NRG3: variants seen among roughly 807,000 people sequenced by gnomAD.
The protein encoded by NRG3 is pro-neuregulin-3, membrane-bound isoform.
In NRG3, 31 loss-of-function variants were observed where a neutral mutation model predicts 66.9. That is an observed-to-expected ratio of 0.46 (90% confidence interval 0.35 to 0.63). The LOEUF (loss-of-function observed/expected upper bound fraction) is 0.63. NRG3 is among the 20% of genes least tolerant of loss of function. NRG3 has a pLI of 0.00. For synonymous variants in NRG3, 393 were observed against 359.4 expected, an observed-to-expected ratio of 1.09 and a Z score of -1.06; for missense variants, 910 against 878.9, an observed-to-expected ratio of 1.04 and a Z score of -0.45.
intron 2 of NRG3, among the ~76,000 whole-genome samples, chr10:82,725,915 C>T (rs374299413): frequency 1.8e-4 from 28 of 152,218 alleles, no homozygotes; most frequent in Admixed American, 3.3e-4. Context: ...GCTATTCACA[C>T]GGTGAAGCCC....
intron 3 of NRG3, among the ~76,000 whole-genome samples, chr10:82,850,139 A>G (rs555653710): frequency 4.6e-5 from 7 of 152,274 alleles, no homozygotes; most frequent in African/African-American, 1.7e-4. Context: ...TTGACAGAGG[A>G]ATGGAGACAA....
intron 1 of NRG3, among the ~76,000 whole-genome samples, chr10:81,880,843 C>T (rs1318117665): frequency 6.6e-6 from 1 of 152,112 alleles, no homozygotes; most frequent in Non-Finnish European, 1.5e-5. Context: ...TATCTTTAGA[C>T]TCGTGTGTTG....
At chr10:82,231,265 C>T (rs769826104) in intron 1 of NRG3, among the ~76,000 whole-genome samples, 2 of 152,022 alleles carry the variant, frequency 1.3e-5, no homozygotes, top group Non-Finnish European at 2.9e-5. Context: ...ATCACTTGAA[C>T]CTAGGAAGGT....
At chr10:82,905,338 C>T (rs1844628666) in intron 4 of NRG3, among the ~76,000 whole-genome samples, 2 of 152,256 alleles carry the variant, frequency 1.3e-5, no homozygotes, top group Non-Finnish European at 2.9e-5. Flanking sequence ...TAGGCATTTT[C>T]TCCAAAGCCT....
At chr10:82,851,502 G>C (rs1186418719) in intron 3 of NRG3, among the ~76,000 whole-genome samples, 3 of 152,136 alleles carry the variant, frequency 2.0e-5, no homozygotes, top group Non-Finnish European at 4.4e-5. Flanking sequence ...AAAATCTTTA[G>C]TGTATTAATC....
At chr10:82,893,860 TA>T (rs1843404806) in intron 4 of NRG3, among the ~76,000 whole-genome samples, 1 of 151,730 alleles carries the variant, frequency 6.6e-6, no homozygotes, top group Non-Finnish European at 1.5e-5. Flanking sequence ...AAATGAATCA[TA>T]GTAAACCAAA....
At chr10:82,151,813 T>G (rs1324609443) in intron 1 of NRG3, among the ~76,000 whole-genome samples, 2 of 152,204 alleles carry the variant, frequency 1.3e-5, no homozygotes, top group African/African-American at 2.4e-5. Context: ...TGCTTCAGCA[T>G]AGGCTCTGCT....
At chr10:82,888,232 G>T (rs1178786066) in intron 4 of NRG3, among the ~76,000 whole-genome samples, 1 of 152,060 alleles carries the variant, frequency 6.6e-6, no homozygotes, top group East Asian at 1.9e-4. Flanking sequence ...TGTAAAGTGT[G>T]TTCCCTAGTG....
intron 1 of NRG3, among the ~76,000 whole-genome samples, chr10:81,925,754 A>G (rs952714986): frequency 4.6e-5 from 7 of 152,016 alleles, no homozygotes; most frequent in Non-Finnish European, 1.0e-4. Context: ...TTTTAAAAAA[A>G]AAAGAGAAAT....
chr10:82,313,434 T>C (rs757335990), intron 1 of NRG3, among the ~76,000 whole-genome samples: 2 of 152,184 alleles, frequency 1.3e-5, no homozygotes, highest in Non-Finnish European at 2.9e-5. Flanking sequence ...TGTCATCTTT[T>C]AGTTGAGCCA....
At chr10:82,574,234 C>A (rs1713792799) in intron 2 of NRG3, among the ~76,000 whole-genome samples, 2 of 151,596 alleles carry the variant, frequency 1.3e-5, no homozygotes, top group African/African-American at 4.8e-5. Flanking sequence ...TCATTTGCAG[C>A]AACGTGGGTG....
intron 2 of NRG3, among the ~76,000 whole-genome samples, 192 bp from the exon 3 acceptor site, chr10:82,738,385 C>T (rs59781859): frequency 0.032 from 4,801 of 152,246 alleles, 271 homozygotes; most frequent in African/African-American, 0.11. Flanking sequence ...ACATTGTTGG[C>T]TTTCTCCCTT....
chr10:82,014,480 G>A (rs185581491), intron 1 of NRG3, among the ~76,000 whole-genome samples: 1 of 152,300 alleles, frequency 6.6e-6, no homozygotes, highest in Admixed American at 6.5e-5. Context: ...CCATCACAGA[G>A]TGTATAGAGT....
intron 1 of NRG3, among the ~76,000 whole-genome samples, chr10:81,915,768 T>C (rs1196324670): frequency 1.3e-5 from 2 of 152,108 alleles, no homozygotes; most frequent in Non-Finnish European, 2.9e-5. Context: ...TTATTCCTTC[T>C]ACCTGCTGAG....
chr10:82,150,593 TAAAC>T (rs948457227), intron 1 of NRG3, among the ~76,000 whole-genome samples: 40 of 80,334 alleles, frequency 5.0e-4, no homozygotes, highest in East Asian at 3.4e-3. Flanking sequence ...CTAAAACAGA[TAAAC>T]AAACCAACAA....
chr10:82,364,790 T>C (rs145986377), intron 2 of NRG3, among the ~76,000 whole-genome samples: 15 of 152,324 alleles, frequency 9.8e-5, no homozygotes, highest in African/African-American at 3.1e-4. Context: ...TTGAAGATAC[T>C]TGAAGCACTT....
At chr10:82,450,125 A>G (rs1031167857) in intron 2 of NRG3, among the ~76,000 whole-genome samples, 4 of 152,126 alleles carry the variant, frequency 2.6e-5, no homozygotes, top group Admixed American at 2.6e-4. Flanking sequence ...TCTCTGGTAA[A>G]TTTTTATAAA....
chr10:81,957,438 TAGTC>T (rs1385129059), intron 1 of NRG3, among the ~76,000 whole-genome samples: 22 of 152,180 alleles, frequency 1.4e-4, no homozygotes, highest in African/African-American at 5.1e-4. Flanking sequence ...ATATTTAAAA[TAGTC>T]AGTGCTCCCA....
intron 2 of NRG3, among the ~76,000 whole-genome samples, chr10:82,377,454 G>A (rs1201502633): frequency 5.5e-5 from 7 of 128,196 alleles, no homozygotes; most frequent in Non-Finnish European, 9.3e-5. Flanking sequence ...GTGTGTGTGT[G>A]TGTGCGCGAG....
Sources: allele counts gnomAD v4.1 joint callset (sites outside exome capture counted in the v4.1 genomes callset), GRCh38; gene constraint gnomAD v4.1.1; transcripts MANE v1.5; gene names NCBI Gene and HGNC (gene_info 2026-07-23, HGNC 2026-07-21).